Variants in PDE4B observed in about 807,000 individuals in gnomAD.
PDE4B encodes phosphodiesterase 4B.
Under a neutral mutation model 82.2 loss-of-function variants are expected in PDE4B, and 20 were observed. That is an observed-to-expected ratio of 0.24 (90% confidence interval 0.17 to 0.35). The LOEUF is 0.35. PDE4B is among the 10% of genes least tolerant of loss of function. PDE4B has a pLI of 1.00. For synonymous variants in PDE4B, 320 were observed against 318.9 expected (o/e 1.00, Z -0.04); for missense variants, 655 against 907.2 (o/e 0.72, Z 3.57).
At chr1:66,105,781 A>G (rs1383623672) in intron 3 of PDE4B, among the ~76,000 whole-genome samples, 3 of 151,990 alleles carry the variant, frequency 2.0e-5, no homozygotes, top group African/African-American at 4.8e-5. Flanking sequence ...ATTTTTGTAC[A>G]TTGATTTTGT....
chr1:66,252,295 A>T (rs1653848856), intron 4 of PDE4B, among the ~76,000 whole-genome samples: 1 of 152,212 alleles, frequency 6.6e-6, no homozygotes, highest in Non-Finnish European at 1.5e-5. Context: ...TGCAATGGAC[A>T]GACATGAATT....
chr1:66,213,858 A>G (rs1400502439), intron 3 of PDE4B, among the ~76,000 whole-genome samples: 1 of 152,142 alleles, frequency 6.6e-6, no homozygotes, highest in Non-Finnish European at 1.5e-5. Context: ...TGGAAATATG[A>G]TTACCTGATT....
chr1:66,352,276 G>T (rs1393662309), intron 8 of PDE4B, among the ~76,000 whole-genome samples: 1 of 152,180 alleles, frequency 6.6e-6, no homozygotes, highest in Non-Finnish European at 1.5e-5. Flanking sequence ...CTTAGCAAAA[G>T]GCTCATAGGA....
chr1:65,817,422 T>C (rs1020459342), intron 1 of PDE4B, among the ~76,000 whole-genome samples: 5 of 152,198 alleles, frequency 3.3e-5, no homozygotes. Context: ...GACTCTTCTG[T>C]AACTCTAAAT....
chr1:66,211,852 C>A (rs1217574480), intron 3 of PDE4B, among the ~76,000 whole-genome samples: 1 of 152,174 alleles, frequency 6.6e-6, no homozygotes, highest in Non-Finnish European at 1.5e-5. Context: ...ACCCGATAAG[C>A]CTTCAGCCTG....
intron 7 of PDE4B, among the ~76,000 whole-genome samples, chr1:66,299,153 A>G (rs1455384613): frequency 6.6e-6 from 1 of 152,172 alleles, no homozygotes. Flanking sequence ...CCCATAGTGC[A>G]ATAGAAAACT....
intron 3 of PDE4B, among the ~76,000 whole-genome samples, chr1:66,216,950 C>A (rs146218920): frequency 6.6e-6 from 1 of 152,272 alleles, no homozygotes; most frequent in East Asian, 1.9e-4. Context: ...TGTCCCTAGA[C>A]TTCAGCCTGT....
In PDE4B at chr1:65,918,635, C is replaced by T. The variant is rs1463670101; in HGVS notation, c.81C>T (p.Ser27=). ...ATTTTGAATGTAGCTTGAGTAAATC[C>T]TACAGTTCTTCCAGTAACACACTTG... ...KDYFECSLSK[S]YSSSSNTLGI... is the part of the protein sequence containing the mutation. The change falls in exon 3 of 17, where the codon TCC becomes TCT. Residue 27 remains serine (S), a synonymous_variant. Coordinates refer to ENST00000341517, the MANE Select transcript of PDE4B (RefSeq NM_002600.4). The T allele has an allele frequency of 6.2e-7, 1 of 1,612,394 alleles. No individual in the cohort carries two copies. Among genetic ancestry groups the T allele is most frequent in the Admixed American group, 1.7e-5 (1 of 60,014 alleles).
At chr1:65,902,274 C>T (rs1217976028) in intron 1 of PDE4B, among the ~76,000 whole-genome samples, 1 of 151,894 alleles carries the variant, frequency 6.6e-6, no homozygotes, top group East Asian at 1.9e-4. Context: ...GTTATTGAAG[C>T]CATATCAGAA....
At chr1:65,935,001 G>A (rs185173753) in intron 3 of PDE4B, among the ~76,000 whole-genome samples, 1 of 152,204 alleles carries the variant, frequency 6.6e-6, no homozygotes, top group Admixed American at 6.5e-5. Context: ...CAGCACTATA[G>A]ACCAAATGAG....
intron 3 of PDE4B, among the ~76,000 whole-genome samples, chr1:65,999,640 A>C (rs986455104): frequency 6.6e-6 from 1 of 152,072 alleles, no homozygotes; most frequent in Non-Finnish European, 1.5e-5. Flanking sequence ...ACTTATTATT[A>C]CCTGAAAATA....
chr1:66,339,301 G>A (rs922932184), intron 8 of PDE4B, among the ~76,000 whole-genome samples: 1 of 152,204 alleles, frequency 6.6e-6, no homozygotes. Flanking sequence ...AAATGGAGTT[G>A]TATTAGTGAG....
intron 3 of PDE4B, among the ~76,000 whole-genome samples, chr1:66,101,996 A>G (rs1329176481): frequency 6.6e-6 from 1 of 152,112 alleles, no homozygotes; most frequent in South Asian, 2.1e-4. Flanking sequence ...ATCCATCTTG[A>G]ATTAATTTTT....
At chr1:65,995,703 C>T (rs1477190205) in intron 3 of PDE4B, among the ~76,000 whole-genome samples, 4 of 152,144 alleles carry the variant, frequency 2.6e-5, no homozygotes, top group Non-Finnish European at 5.9e-5. Context: ...ATGTAACCAG[C>T]CTTTCACGAT....
intron 7 of PDE4B, among the ~76,000 whole-genome samples, chr1:66,309,328 A>T (rs7514666): frequency 6.6e-6 from 1 of 152,120 alleles, no homozygotes; most frequent in African/African-American, 2.4e-5. Context: ...TAATATTGCA[A>T]ATGGGTTTAT....
intron 3 of PDE4B, among the ~76,000 whole-genome samples, chr1:66,193,182 T>G (rs1345988626): frequency 6.6e-6 from 1 of 152,150 alleles, no homozygotes; most frequent in Non-Finnish European, 1.5e-5. Context: ...TTTCATGTTG[T>G]TTGTCTAGTC....
chr1:66,195,752 T>G (rs1316116010), intron 3 of PDE4B, among the ~76,000 whole-genome samples: 1 of 152,208 alleles, frequency 6.6e-6, no homozygotes, highest in Non-Finnish European at 1.5e-5. Context: ...ATCTCCTTCT[T>G]CACCTATTTT....
chr1:66,201,824 G>A (rs1648987979), intron 3 of PDE4B, among the ~76,000 whole-genome samples: 2 of 151,792 alleles, frequency 1.3e-5, no homozygotes, highest in Non-Finnish European at 2.9e-5. Context: ...TTTTTTGAAG[G>A]GTTTTCTGTG....
chr1:65,881,952 C>T (rs1040530187), intron 1 of PDE4B, among the ~76,000 whole-genome samples: 2 of 152,138 alleles, frequency 1.3e-5, no homozygotes, highest in Non-Finnish European at 2.9e-5. Context: ...AAGTGCTTTC[C>T]TGAGAATTTG....
Sources: allele counts gnomAD v4.1 joint callset (sites outside exome capture counted in the v4.1 genomes callset), GRCh38; gene constraint gnomAD v4.1.1; transcripts MANE v1.5; gene names NCBI Gene and HGNC (gene_info 2026-07-23, HGNC 2026-07-21).